TMEM50A: variants seen among roughly 807,000 people sequenced by gnomAD.
TMEM50A encodes the protein cervical cancer oncogene 9.
In TMEM50A, 8 loss-of-function variants were observed where a neutral mutation model predicts 23.9. That is an observed-to-expected ratio of 0.33 (90% CI 0.20 to 0.60). The LOEUF is 0.60. Among genes scored for constraint, TMEM50A ranks in the 20% least tolerant of loss-of-function variants. TMEM50A has a pLI of 0.81. For missense variants in TMEM50A, 178 were observed against 192.7 expected (o/e 0.92, Z 0.45); for synonymous variants, 55 against 60.4 (o/e 0.91, Z 0.41).
intron 3 of TMEM50A, among the ~76,000 whole-genome samples, chr1:25,345,797 T>A (rs1272941536): frequency 6.6e-6 from 1 of 151,648 alleles, no homozygotes; most frequent in Non-Finnish European, 1.5e-5. Flanking sequence ...TTTATTTATT[T>A]TTTTTTTTGA....
At position 25,350,322 on chromosome 1, in the gene TMEM50A, A is replaced by G. The variant is rs571933009; in HGVS notation, c.207-1304A>G. Among the ~76,000 whole-genome samples, 7 of 152,364 alleles carry G rather than the reference A, an allele frequency of 4.6e-5. No individual in the cohort carries two copies. In the East Asian group the frequency reaches 1.3e-3, roughly 29 times the overall value. On this transcript the variant is annotated intron_variant, in intron 3 of 6. Transcript: ENST00000374358. ...CTGATACATACAAATGGAATATCAGATAGAACCAAGCAAAATTATCTTTTT... is the reference window on the plus strand; with the variant it reads ...CTGATACATACAAATGGAATATCAGGTAGAACCAAGCAAAATTATCTTTTT...
intron 3 of TMEM50A, among the ~76,000 whole-genome samples, chr1:25,351,198 A>G (rs1345888287): frequency 6.6e-6 from 1 of 151,466 alleles, no homozygotes; most frequent in African/African-American, 2.4e-5. Flanking sequence ...ATCTGGTTGA[A>G]GAGACCAGTC....
At chr1:25,338,681 G>T (rs574905440) in intron 1 of TMEM50A, 1 of 152,220 alleles carries the variant, frequency 6.6e-6, no homozygotes, top group Non-Finnish European at 1.5e-5. Context: ...ACGGAGAGGG[G>T]ACCGCGCCCT....
At chr1:25,359,462 G>C (rs939291236) in intron 6 of TMEM50A, among the ~76,000 whole-genome samples, 3 of 151,430 alleles carry the variant, frequency 2.0e-5, no homozygotes, top group African/African-American at 7.3e-5. Flanking sequence ...TGGAAGAATT[G>C]TCTTGAGGCA....
intron 3 of TMEM50A, among the ~76,000 whole-genome samples, chr1:25,350,002 A>C (rs1488772977): frequency 4.6e-5 from 7 of 152,258 alleles, no homozygotes; most frequent in Non-Finnish European, 7.3e-5. Context: ...TAAAGAAAGC[A>C]AGCCTATCTC....
chr1:25,357,580 T>C (rs916740644), intron 6 of TMEM50A, among the ~76,000 whole-genome samples: 3 of 148,884 alleles, frequency 2.0e-5, no homozygotes, highest in African/African-American at 7.5e-5. Context: ...GTGTGTGTTG[T>C]TTTGAGACAG....
chr1:25,353,158 A>G (rs1481128260), intron 5 of TMEM50A, among the ~76,000 whole-genome samples, 184 bp downstream of exon 5: 1 of 152,132 alleles, frequency 6.6e-6, no homozygotes, highest in Non-Finnish European at 1.5e-5. Flanking sequence ...TATTTTTAGT[A>G]TTCCTTTCTT....
chr1:25,341,257 G>GGT (rs1645164759), intron 2 of TMEM50A, among the ~76,000 whole-genome samples: 1 of 151,096 alleles, frequency 6.6e-6, no homozygotes, highest in African/African-American at 2.4e-5. Context: ...TGTTGTTTTT[G>GGT]TTTTTTTTGG....
Position 25,360,786 on chromosome 1 carries a change from G to A in TMEM50A, c.*81G>A. The A allele has an allele frequency of 1.4e-6, 2 of 1,450,904 alleles. No individual in the cohort carries two copies. Among genetic ancestry groups the A allele is most frequent in the South Asian group, 1.2e-5 (1 of 84,352 alleles). 89.9% of individuals were successfully genotyped at this position (1,450,904 alleles called of 1,614,324 possible). A position where few individuals can be genotyped will look rare whatever the true frequency, so the allele number is the denominator to read the frequency against. Reference sequence around the variant, plus strand: ...CTGCTCACTCCCAACCTTTTGTAATGCCATTTTCTAAACTTATTTCTGAGT... The same window carrying A: ...CTGCTCACTCCCAACCTTTTGTAATACCATTTTCTAAACTTATTTCTGAGT... On this transcript the variant is annotated 3_prime_UTR_variant, in exon 7 of 7. Transcript: ENST00000374358.
chr1:25,357,114 T>G (rs1489883626), intron 6 of TMEM50A, among the ~76,000 whole-genome samples: 1 of 152,182 alleles, frequency 6.6e-6, no homozygotes, highest in East Asian at 1.9e-4. Flanking sequence ...TCATGAAAAT[T>G]TAGTTACATA....
At chr1:25,360,509 G>A in intron 6 of TMEM50A, 151 bp from the exon 7 acceptor site, 1 of 730,970 alleles carries the variant, frequency 1.4e-6, no homozygotes, top group Non-Finnish European at 2.3e-6. Flanking sequence ...ACCTTAGAAT[G>A]ATCAGTTTCT....
chr1:25,342,725 TAAA>T (rs1645179479), intron 2 of TMEM50A: 1 of 279,944 alleles, frequency 3.6e-6, no homozygotes, highest in Non-Finnish European at 6.7e-6. Context: ...TTTATTATGA[TAAA>T]AATTAAATAA....
intron 5 of TMEM50A, among the ~76,000 whole-genome samples, chr1:25,353,671 A>G (rs923249509): frequency 6.6e-6 from 1 of 152,238 alleles, no homozygotes; most frequent in African/African-American, 2.4e-5. Context: ...CTGCTATATA[A>G]GGCCACTTTA....
intron 3 of TMEM50A, among the ~76,000 whole-genome samples, chr1:25,344,989 C>A (rs995296537): frequency 1.3e-5 from 2 of 152,052 alleles, no homozygotes; most frequent in Non-Finnish European, 2.9e-5. Context: ...AATCAACATC[C>A]CAGAAGCCCG....
intron 2 of TMEM50A, among the ~76,000 whole-genome samples, chr1:25,342,269 T>C (rs1302228693): frequency 1.2e-4 from 18 of 152,188 alleles, no homozygotes; most frequent in Non-Finnish European, 7.3e-5. Context: ...TAAAATCTTC[T>C]AGGCTACTTG....
At chr1:25,342,836 A>C in intron 2 of TMEM50A, 125 bp from the exon 3 acceptor site, 1 of 639,704 alleles carries the variant, frequency 1.6e-6, no homozygotes. Flanking sequence ...TGCAAATTAC[A>C]TGTGGGAAAA....
At chr1:25,360,562 A>C (rs2124269097) in intron 6 of TMEM50A, 98 bp from the exon 7 acceptor site, 2 of 1,353,780 alleles carry the variant, frequency 1.5e-6, no homozygotes, top group Non-Finnish European at 2.1e-6. Context: ...ACAACTCATC[A>C]ATTATTCTTC....
chr1:25,341,317 G>A (rs1645165634), intron 2 of TMEM50A, among the ~76,000 whole-genome samples: 1 of 152,022 alleles, frequency 6.6e-6, no homozygotes, highest in African/African-American at 2.4e-5. Context: ...GCGTGCAGTG[G>A]CGCAATCTCA....
intron 3 of TMEM50A, 67 bp downstream of exon 3, chr1:25,343,140 T>C: frequency 8.2e-7 from 1 of 1,224,596 alleles, no homozygotes; most frequent in Non-Finnish European, 1.2e-6. Context: ...TCAAATATAG[T>C]TGCATAGATT....
Sources: allele counts gnomAD v4.1 joint callset (sites outside exome capture counted in the v4.1 genomes callset), GRCh38; gene constraint gnomAD v4.1.1; transcripts MANE v1.5; gene names NCBI Gene and HGNC (gene_info 2026-07-23, HGNC 2026-07-21).